Variants in SPHKAP observed in about 807,000 individuals in gnomAD.
The protein encoded by SPHKAP is A-kinase anchor protein SPHKAP.
In SPHKAP, 67 loss-of-function variants were observed where a neutral mutation model predicts 137.5. That is an observed-to-expected ratio of 0.49 (90% CI 0.40 to 0.60). SPHKAP has a LOEUF of 0.60. Ranked by LOEUF, SPHKAP falls within the 20% of genes least tolerant of loss-of-function variation. SPHKAP has a pLI of 0.00. For synonymous variants in SPHKAP, 813 were observed against 785.3 expected (o/e 1.04, Z -0.59); for missense variants, 2,097 against 2,069.3 (o/e 1.01, Z -0.26).
chr2:228,090,138 G>C (rs1185690832), intron 3 of SPHKAP, among the ~76,000 whole-genome samples: 1 of 152,210 alleles, frequency 6.6e-6, no homozygotes, highest in Non-Finnish European at 1.5e-5. Flanking sequence ...TGTGAGAGTA[G>C]CCATGGGGGC....
intron 3 of SPHKAP, among the ~76,000 whole-genome samples, chr2:228,040,845 T>A (rs889932981): frequency 6.6e-6 from 1 of 152,242 alleles, no homozygotes; most frequent in African/African-American, 2.4e-5. Context: ...TACACTTATA[T>A]GTAATGTCTG....
intron 5 of SPHKAP, 200 bp from the exon 6 acceptor site, chr2:228,022,166 A>C: frequency 3.0e-6 from 3 of 985,426 alleles, no homozygotes; most frequent in Non-Finnish European, 3.6e-6. Context: ...ACCTAGGAGA[A>C]AGCCTGACTT....
chr2:228,066,218 T>C (rs1471544636), intron 3 of SPHKAP, among the ~76,000 whole-genome samples: 2 of 152,198 alleles, frequency 1.3e-5, no homozygotes, highest in African/African-American at 2.4e-5. Flanking sequence ...CAAATGGTTC[T>C]TTTTCATTTT....
chr2:228,138,914 G>GATGAGAACATTTTATTACA (rs1699511795), intron 1 of SPHKAP, among the ~76,000 whole-genome samples: 1 of 151,898 alleles, frequency 6.6e-6, no homozygotes, highest in African/African-American at 2.4e-5. Context: ...AGAAAAGATG[G>GATGAGAACATTTTATTACA]GCTTTTTGTC....
rs1486756979 is a variant in SPHKAP at position 227,991,142 on chromosome 2, C to T, written c.4817G>A (p.Arg1606Lys). The T allele has an allele frequency of 1.2e-6, 2 of 1,613,990 alleles. No individual in the cohort carries two copies. The highest frequency in any genetic ancestry group is 1.1e-5 in the South Asian group (1 of 91,076). The change falls in exon 11 of 12, where the codon AGG becomes AAG. Residue 1606 changes from arginine (R) to lysine (K), a missense_variant. Transcript: ENST00000392056. ...GTCAAAGTTGATCACCAGCAGGCTC[C>T]TCTGGGGGCTGGCTGTTCCCGTAGG... ...GPPTGTASPQ[R>K]SLLVINFDLE...
At chr2:228,120,413 T>G (rs1187744835) in intron 2 of SPHKAP, among the ~76,000 whole-genome samples, 1 of 152,162 alleles carries the variant, frequency 6.6e-6, no homozygotes, top group Non-Finnish European at 1.5e-5. Context: ...AAGGATATAA[T>G]TTGAGCACAA....
chr2:228,033,237 T>G (rs962708684), intron 3 of SPHKAP, among the ~76,000 whole-genome samples: 2 of 152,106 alleles, frequency 1.3e-5, no homozygotes, highest in African/African-American at 2.4e-5. Flanking sequence ...TCCTAGTCTC[T>G]GATAAAACAG....
At chr2:228,000,217 C>T (rs1013371174) in intron 7 of SPHKAP, among the ~76,000 whole-genome samples, 4 of 152,346 alleles carry the variant, frequency 2.6e-5, no homozygotes, top group South Asian at 2.1e-4. Context: ...CGGTGGCTCA[C>T]GCCTGTAATC....
intron 3 of SPHKAP, among the ~76,000 whole-genome samples, chr2:228,036,755 C>G (rs1201247178): frequency 3.3e-5 from 5 of 151,998 alleles, no homozygotes; most frequent in African/African-American, 1.2e-4. Flanking sequence ...AAGCTGGAAA[C>G]CATCATTTTC....
At chr2:228,035,041 C>T (rs1382394670) in intron 3 of SPHKAP, among the ~76,000 whole-genome samples, 1 of 149,188 alleles carries the variant, frequency 6.7e-6, no homozygotes, top group Non-Finnish European at 1.5e-5. Flanking sequence ...GGCAATTAGG[C>T]AGGAGAAGGA....
intron 11 of SPHKAP, among the ~76,000 whole-genome samples, chr2:227,985,721 T>A (rs953386287): frequency 2.0e-5 from 3 of 152,228 alleles, no homozygotes; most frequent in Non-Finnish European, 4.4e-5. Context: ...AAGAAAAGTA[T>A]AAGATAGGAG....
rs370387532 is a variant in SPHKAP at position 228,016,735 on chromosome 2, T to G, written c.4119A>C (p.Lys1373Asn). The G allele has an allele frequency of 2.5e-6, 4 of 1,613,980 alleles. No homozygotes were observed. Among genetic ancestry groups the G allele is most frequent in the Non-Finnish European group, 3.4e-6 (4 of 1,180,028 alleles). ...LVQESLDCPR[K>N]DSVTECKQPP... ...GCTGTTTACATTCGGTAACAGAGTCTTTCCTCGGGCAATCGAGAGACTCCT... is the reference window on the plus strand; with the variant it reads ...GCTGTTTACATTCGGTAACAGAGTCGTTCCTCGGGCAATCGAGAGACTCCT... The change falls in exon 7 of 12, where the codon AAA becomes AAC. Residue 1373 changes from lysine (K) to asparagine (N), a missense_variant. By Grantham distance (94) the Lys-to-Asn change is moderately conservative (BLOSUM62 0). Transcript: ENST00000392056.
In SPHKAP at chr2:228,066,412, C is replaced by T. The variant is rs536382760; in HGVS notation, c.247-38869G>A. Among the ~76,000 whole-genome samples, 12 of 152,312 alleles carry T rather than the reference C, an allele frequency of 7.9e-5. No homozygotes were observed. The South Asian group carries it at 2.5e-3, about 32-fold the overall frequency. On this transcript the variant is annotated intron_variant, in intron 3 of 11. Coordinates refer to ENST00000392056, the MANE Select transcript of SPHKAP (RefSeq NM_001142644.2). ...GTACCTTCCAGCCTTGTCTCTCTCT[C>T]CCTTGGGTCTCACCTTGACACAAGG...
intron 3 of SPHKAP, among the ~76,000 whole-genome samples, chr2:228,065,265 A>G (rs1017085383): frequency 6.6e-6 from 1 of 152,164 alleles, no homozygotes; most frequent in African/African-American, 2.4e-5. Flanking sequence ...TCTTTTTCCA[A>G]CACACATGAA....
At chr2:228,117,888 C>A (rs1235708150) in intron 2 of SPHKAP, among the ~76,000 whole-genome samples, 1 of 142,018 alleles carries the variant, frequency 7.0e-6, no homozygotes. Context: ...TTTATTGGTT[C>A]ATTGAAAAGA....
rs527352213 is a variant in SPHKAP at position 228,130,657 on chromosome 2, T to C, written c.138+1323A>G. Among the ~76,000 whole-genome samples, 7 of 152,312 alleles carry C rather than the reference T, an allele frequency of 4.6e-5. No homozygotes were observed. In the South Asian group the frequency reaches 1.4e-3, roughly 32 times the overall value. On this transcript the variant is annotated intron_variant, in intron 2 of 11. Coordinates refer to ENST00000392056, the MANE Select transcript of SPHKAP (RefSeq NM_001142644.2). Reference sequence around the variant, plus strand: ...ATTTAGCCCTGTAAAATGTACAGCATATGATGAAGCATTTATAATTTGGAG... The same window carrying C: ...ATTTAGCCCTGTAAAATGTACAGCACATGATGAAGCATTTATAATTTGGAG...
intron 2 of SPHKAP, among the ~76,000 whole-genome samples, chr2:228,129,369 G>A (rs11692662): frequency 0.062 from 9,429 of 152,200 alleles, 452 homozygotes; most frequent in Non-Finnish European, 0.087. Flanking sequence ...AGGCATGCCT[G>A]TTGTTGTCTC....
At chr2:227,989,303 C>T (rs1290954697) in intron 11 of SPHKAP, among the ~76,000 whole-genome samples, 4 of 152,154 alleles carry the variant, frequency 2.6e-5, no homozygotes, top group Non-Finnish European at 4.4e-5. Flanking sequence ...GGAAATCGCT[C>T]ATGTACCCGA....
At chr2:228,131,771 G>A in intron 2 of SPHKAP, 3 of 983,978 alleles carry the variant, frequency 3.0e-6, no homozygotes, top group African/African-American at 1.7e-5. Flanking sequence ...GGCAGTGGAG[G>A]CTTATGATTT....
Sources: gnomAD v4.1 joint callset for allele counts (sites outside exome capture counted in the v4.1 genomes callset) on GRCh38, gnomAD v4.1.1 for gene constraint, MANE v1.5 for transcripts, NCBI Gene and HGNC (gene_info 2026-07-23, HGNC 2026-07-21) for gene names.